Variants in CEP128 observed in about 807,000 individuals in gnomAD.
The protein encoded by CEP128 is centrosomal protein 128kDa.
Under a neutral mutation model 156.7 loss-of-function variants are expected in CEP128, and 132 were observed. That is an observed-to-expected ratio of 0.84 (90% CI 0.73 to 0.97). The LOEUF is 0.97. Among genes scored for constraint, CEP128 ranks in the 50% least tolerant of loss-of-function variants. The pLI is 0.00. For synonymous variants in CEP128, 469 were observed against 448.9 expected, an observed-to-expected ratio of 1.04 and a Z score of -0.57; for missense variants, 1,252 against 1,281.9, an observed-to-expected ratio of 0.98 and a Z score of 0.36.
chr14:80,934,862 G>A (rs1029461312), intron 2 of CEP128, among the ~76,000 whole-genome samples: 9 of 151,952 alleles, frequency 5.9e-5, no homozygotes, highest in Non-Finnish European at 1.3e-4. Flanking sequence ...ACTATAACTG[G>A]TATATTACTT....
At chr14:80,917,219 T>C (rs1183908546) in intron 2 of CEP128, among the ~76,000 whole-genome samples, 1 of 152,198 alleles carries the variant, frequency 6.6e-6, no homozygotes, top group African/African-American at 2.4e-5. Context: ...TCTCTAAACA[T>C]GCTTTTCTTC....
At chr14:80,568,334 A>C (rs1408626812) in intron 20 of CEP128, among the ~76,000 whole-genome samples, 3 of 152,356 alleles carry the variant, frequency 2.0e-5, no homozygotes, top group South Asian at 2.1e-4. Flanking sequence ...ACTATCATGC[A>C]TGTCACACAG....
intron 13 of CEP128, chr14:80,830,325 A>G: frequency 2.0e-6 from 1 of 509,494 alleles, no homozygotes; most frequent in Middle Eastern, 2.8e-4. Flanking sequence ...AACATTAAAT[A>G]TTTCCTTTGG....
chr14:80,567,357 G>C (rs982998182), intron 20 of CEP128, among the ~76,000 whole-genome samples: 1 of 152,156 alleles, frequency 6.6e-6, no homozygotes, highest in Non-Finnish European at 1.5e-5. Context: ...AGAAGATGAA[G>C]AGAAAGATAC....
chr14:80,678,049 A>AATATATATATATATATGTATATATAT lies in CEP128; in HGVS notation c.2806+65025_2806+65026insATATATATACATATATATATATATAT, dbSNP rs1555390205. 6.1e-5 allele frequency among the ~76,000 whole-genome samples: 6 copies of AATATATATATATATATGTATATATAT among 98,502 alleles called. 1 individual carries two copies. The highest frequency in any genetic ancestry group is 3.7e-4 in the Admixed American group (4 of 10,794). 64.6% of individuals were successfully genotyped at this position (98,502 alleles called of 152,430 possible). A position where few individuals can be genotyped will look rare whatever the true frequency, so the allele number is the denominator to read the frequency against. On this transcript the variant is annotated intron_variant, in intron 19 of 24. Transcript: ENST00000555265. ...ATGGACAGTTGCTCTATAAAAAAAA[A>AATATATATATATATATGTATATATAT]ATATATATATATATGTATATATATA...
chr14:80,744,170 C>T (rs558978235), intron 18 of CEP128, among the ~76,000 whole-genome samples: 21 of 152,172 alleles, frequency 1.4e-4, no homozygotes, highest in African/African-American at 3.1e-4. Flanking sequence ...TGACCACACC[C>T]AGCCCTCACC....
intron 21 of CEP128, chr14:80,531,089 T>C (rs1889204687): frequency 6.9e-6 from 2 of 290,026 alleles, no homozygotes. Context: ...TTAAAAAGTA[T>C]ATGAGATGCA....
At chr14:80,811,685 G>A (rs1884545994) in intron 13 of CEP128, among the ~76,000 whole-genome samples, 1 of 147,930 alleles carries the variant, frequency 6.8e-6, no homozygotes, top group Non-Finnish European at 1.5e-5. Context: ...ATATGTGTGT[G>A]TGTGTGTGTG....
intron 19 of CEP128, among the ~76,000 whole-genome samples, chr14:80,696,929 G>A (rs1896912047): frequency 6.6e-6 from 1 of 151,346 alleles, no homozygotes; most frequent in Non-Finnish European, 1.5e-5. Context: ...GTATTAATAT[G>A]CTGAAGAAAA....
chr14:80,617,948 A>G (rs1893297521), intron 19 of CEP128, among the ~76,000 whole-genome samples: 1 of 152,264 alleles, frequency 6.6e-6, no homozygotes, highest in African/African-American at 2.4e-5. Flanking sequence ...TTAGGGAATT[A>G]GTTACCTTCT....
chr14:80,695,228 C>T (rs1896852238), intron 19 of CEP128, among the ~76,000 whole-genome samples: 2 of 151,884 alleles, frequency 1.3e-5, no homozygotes, highest in South Asian at 4.2e-4. Flanking sequence ...AAACTTTGTT[C>T]CATAAAGGAG....
intron 2 of CEP128, among the ~76,000 whole-genome samples, chr14:80,946,859 TG>T (rs1353430171): frequency 1.3e-5 from 2 of 151,990 alleles, no homozygotes; most frequent in Non-Finnish European, 2.9e-5. Context: ...ATGTTGGGGG[TG>T]GGACGTGGTG....
intron 19 of CEP128, among the ~76,000 whole-genome samples, chr14:80,599,193 T>G (rs1212607334): frequency 6.6e-6 from 1 of 152,158 alleles, no homozygotes; most frequent in African/African-American, 2.4e-5. Context: ...TAATTCCTCT[T>G]TGAGGTTAAC....
intron 19 of CEP128, among the ~76,000 whole-genome samples, chr14:80,581,712 T>C (rs1891600306): frequency 6.6e-6 from 1 of 151,938 alleles, no homozygotes. Context: ...AGCAGGCCAG[T>C]GTTTTGGGGT....
intron 2 of CEP128, among the ~76,000 whole-genome samples, chr14:80,934,020 G>A (rs942628385): frequency 5.3e-5 from 8 of 152,240 alleles, no homozygotes; most frequent in East Asian, 1.9e-4. Context: ...AGACAAGCCC[G>A]ACCTACCATT....
At chr14:80,817,416 T>C (rs1027605653) in intron 13 of CEP128, among the ~76,000 whole-genome samples, 2 of 152,136 alleles carry the variant, frequency 1.3e-5, no homozygotes, top group African/African-American at 2.4e-5. Flanking sequence ...ATGTCAAACG[T>C]AGGAGACAAC....
rs146983270 is a variant in CEP128, at chr14:80,592,986, G to C, written c.2807-12563C>G. 5.2e-3 allele frequency among the ~76,000 whole-genome samples: 788 copies of C among 152,282 alleles called. 7 individuals carry two copies. Among genetic ancestry groups the C allele is most frequent in the Non-Finnish European group, 8.6e-3 (588 of 68,018 alleles). On this transcript the variant is annotated intron_variant, in intron 19 of 24. Coordinates refer to ENST00000555265, the MANE Select transcript of CEP128 (RefSeq NM_152446.5). The stretch of plus-strand genomic sequence containing the variant: ...AAAAACTCTCAATAAACTAGGTATT[G>C]AGGGAACATATCTCAAAATAATAAG...
At chr14:80,936,967 T>TA (rs1027801910) in intron 2 of CEP128, among the ~76,000 whole-genome samples, 109 of 145,528 alleles carry the variant, frequency 7.5e-4, no homozygotes, top group Middle Eastern at 3.5e-3. Flanking sequence ...ATTAAAAATT[T>TA]AAAAAAAAAA....
intron 20 of CEP128, among the ~76,000 whole-genome samples, chr14:80,574,688 G>C (rs1267207020): frequency 6.6e-6 from 1 of 152,080 alleles, no homozygotes; most frequent in Non-Finnish European, 1.5e-5. Flanking sequence ...GAACCAAGAA[G>C]GTATATTCTA....
Sources: allele counts gnomAD v4.1 joint callset (sites outside exome capture counted in the v4.1 genomes callset), GRCh38; gene constraint gnomAD v4.1.1; transcripts MANE v1.5; gene names NCBI Gene and HGNC (gene_info 2026-07-23, HGNC 2026-07-21).